The following IL3RA variants were observed in gnomAD, a reference collection of about 807,000 sequenced individuals.
IL3RA encodes interleukin 3 receptor subunit alpha.
IL3RA carries 73 observed loss-of-function variants against 52.3 expected under a neutral mutation model. That is an observed-to-expected ratio of 1.40 (90% CI 1.16 to 1.70). The LOEUF is 1.70. Ranked by LOEUF, IL3RA falls within the 40% of genes most tolerant of loss-of-function variation. The pLI, the probability that IL3RA is intolerant of heterozygous loss-of-function variation, is 0.00. For synonymous variants in IL3RA, 260 were observed against 194.0 expected (o/e 1.34, Z -2.83); for missense variants, 664 against 504.4 (o/e 1.32, Z -3.03).
chrX:1,337,635 T>A (rs1241646247), intron 1 of IL3RA, among the ~76,000 whole-genome samples: 7 of 148,198 alleles, frequency 4.7e-5, no homozygotes, highest in Non-Finnish European at 3.0e-5. Context: ...CTCATACCCA[T>A]CTATAGACGA....
intron 6 of IL3RA, among the ~76,000 whole-genome samples, chrX:1,355,459 A>AGGAGGAGGGGGAGGGGGG (rs2086631883): frequency 2.1e-5 from 1 of 48,458 alleles, no homozygotes; most frequent in South Asian, 8.1e-4. Context: ...CCAGGAGGGT[A>AGGAGGAGGGGGAGGGGGG]GGAGGAGGGG....
At chrX:1,348,353 C>CA (rs201265902) in intron 3 of IL3RA, 78 bp from the exon 4 acceptor site, 89,830 of 1,176,360 alleles carry the variant, frequency 0.076, 4,005 homozygotes, top group Non-Finnish European at 0.091. Context: ...AACTCTGCCT[C>CA]AAAAAAAATC....
chrX:1,350,915 GCACA>G (rs1172424570), intron 4 of IL3RA, among the ~76,000 whole-genome samples: 3 of 147,922 alleles, frequency 2.0e-5, no homozygotes, highest in Non-Finnish European at 3.0e-5. Context: ...GCACACACAC[GCACA>G]CACACACAAA....
chrX:1,358,575 C>T (rs1201807582), intron 7 of IL3RA, among the ~76,000 whole-genome samples: 1 of 152,192 alleles, frequency 6.6e-6, no homozygotes, highest in African/African-American at 2.4e-5. Flanking sequence ...AAAAGAATCA[C>T]TTGAATCCGG....
At chrX:1,344,502 T>C (rs775701010) in intron 2 of IL3RA, among the ~76,000 whole-genome samples, 14 of 151,414 alleles carry the variant, frequency 9.2e-5, no homozygotes, top group Non-Finnish European at 1.6e-4. Context: ...CAACTGGGCA[T>C]GGTGGCTCAT....
intron 8 of IL3RA, among the ~76,000 whole-genome samples, chrX:1,363,567 C>T (rs1302864046): frequency 4.0e-5 from 6 of 150,636 alleles, no homozygotes; most frequent in East Asian, 2.0e-4. Context: ...GGATTACAGG[C>T]GTGAGCCACC....
At chrX:1,354,306 A>G (rs1186655864) in intron 6 of IL3RA, among the ~76,000 whole-genome samples, 2 of 151,962 alleles carry the variant, frequency 1.3e-5, no homozygotes, top group African/African-American at 4.8e-5. Flanking sequence ...AAGGACACAC[A>G]CTTTCAGTCC....
At chrX:1,359,840 C>T (rs2087052466) in intron 8 of IL3RA, among the ~76,000 whole-genome samples, 5 of 145,834 alleles carry the variant, frequency 3.4e-5, no homozygotes, top group Middle Eastern at 3.7e-3. Context: ...TGGTCTCTGT[C>T]TCCCCCCTCC....
intron 1 of IL3RA, among the ~76,000 whole-genome samples, chrX:1,339,663 A>C (rs1388436939): frequency 0.011 from 1,661 of 152,112 alleles, 35 homozygotes; most frequent in African/African-American, 0.038. Flanking sequence ...GTGGTGGCGG[A>C]CACCGGTAAT....
chrX:1,368,003 CCCTGG>C (rs2088296995), intron 9 of IL3RA, among the ~76,000 whole-genome samples: 3 of 152,122 alleles, frequency 2.0e-5, no homozygotes, highest in African/African-American at 7.2e-5. Context: ...GACAGACACC[CCCTGG>C]GCCTTGTAAT....
At chrX:1,354,097 C>T (rs1433312915) in intron 6 of IL3RA, among the ~76,000 whole-genome samples, 4 of 146,722 alleles carry the variant, frequency 2.7e-5, no homozygotes, top group Admixed American at 6.8e-5. Context: ...TCATGGAATC[C>T]CTCATCATGG....
At chrX:1,348,351 C>G in intron 3 of IL3RA, 80 bp from the exon 4 acceptor site, 2 of 1,157,610 alleles carry the variant, frequency 1.7e-6, no homozygotes, top group Non-Finnish European at 1.3e-6. Context: ...GAAACTCTGC[C>G]TCAAAAAAAA....
At chrX:1,342,199 T>C (rs7877793) in intron 2 of IL3RA, among the ~76,000 whole-genome samples, 7,465 of 152,138 alleles carry the variant, frequency 0.049, 264 homozygotes, top group African/African-American at 0.091. Context: ...AGGGTCTTAC[T>C]GTCTTGCCCA....
At chrX:1,356,687 GCT>G (rs2086748295) in intron 7 of IL3RA, among the ~76,000 whole-genome samples, 1 of 151,608 alleles carries the variant, frequency 6.6e-6, no homozygotes, top group Non-Finnish European at 1.5e-5. Flanking sequence ...CAGGAGAATT[GCT>G]TGAACCCAGG....
chrX:1,361,341 T>C (rs1316688602), intron 8 of IL3RA, among the ~76,000 whole-genome samples: 5 of 152,072 alleles, frequency 3.3e-5, no homozygotes, highest in African/African-American at 1.2e-4. Context: ...ACTGGGTAAT[T>C]TATAAACAAA....
chrX:1,346,619 AAAAC>A (rs1461864349), intron 3 of IL3RA, among the ~76,000 whole-genome samples: 1 of 151,530 alleles, frequency 6.6e-6, no homozygotes, highest in Non-Finnish European at 1.5e-5. Context: ...AACAAAAACA[AAAAC>A]AAAAGCAAAA....
intron 2 of IL3RA, among the ~76,000 whole-genome samples, chrX:1,344,229 T>A (rs1445428928): frequency 2.0e-5 from 3 of 151,198 alleles, no homozygotes; most frequent in South Asian, 4.2e-4. Context: ...AGGTTGGGAG[T>A]TCGAGACCAG....
Position 1,365,174 on chromosome X carries a change from G to T in IL3RA, c.796G>T (p.Gly266Ter). 1 of 1,611,140 alleles carries T rather than the reference G, an allele frequency of 6.2e-7. No homozygotes were observed. The highest frequency in any genetic ancestry group is 8.5e-7 in the Non-Finnish European group (1 of 1,178,786). The change falls in exon 9 of 12, where the codon GGA (glycine) becomes TGA (stop). Residue 266 changes from glycine to a stop codon, truncating the protein, a stop_gained. Coordinates refer to ENST00000331035, the MANE Select transcript of IL3RA (RefSeq NM_002183.4). LOFTEE classifies it high-confidence loss of function. ...AACCTCCTTCCAGCTACTCAATCCT[G>T]GAACGTACACAGTACAAATAAGAGC... Reference protein sequence around the residue: ...DRTSFQLLNPGTYTVQIRARE... With the variant: ...DRTSFQLLNP
intron 9 of IL3RA, among the ~76,000 whole-genome samples, chrX:1,377,236 T>C (rs2088824663): frequency 6.6e-6 from 1 of 152,164 alleles, no homozygotes; most frequent in Non-Finnish European, 1.5e-5. Flanking sequence ...TCTTTTTCTT[T>C]TTTCTTTTTT....
Sources: allele counts gnomAD v4.1 joint callset (sites outside exome capture counted in the v4.1 genomes callset), GRCh38; gene constraint gnomAD v4.1.1; transcripts MANE v1.5; gene names NCBI Gene and HGNC (gene_info 2026-07-23, HGNC 2026-07-21).